Variants in FAM53C observed in about 807,000 individuals in gnomAD.
FAM53C encodes the protein family with sequence similarity 53 member C.
In FAM53C, 10 loss-of-function variants were observed where a neutral mutation model predicts 34.7. The ratio of observed to expected loss-of-function variants is 0.29; its 90% CI spans 0.18 to 0.49. The LOEUF (loss-of-function observed/expected upper bound fraction) is 0.49. Among genes scored for constraint, FAM53C ranks in the 20% least tolerant of loss-of-function variants. FAM53C has a pLI of 0.99. For synonymous variants in FAM53C, 203 were observed against 203.6 expected (o/e 1.00, Z 0.03); for missense variants, 442 against 515.3 (o/e 0.86, Z 1.38).
chr5:138,338,270 C>G lies in FAM53C; in HGVS notation c.-190C>G, dbSNP rs757076126. 13 of 963,430 alleles carry G rather than the reference C, an allele frequency of 1.3e-5. No individual in the cohort carries two copies. Among genetic ancestry groups the G allele is most frequent in the African/African-American group, 8.4e-5 (5 of 59,412 alleles). 59.7% of individuals were successfully genotyped at this position (963,430 alleles called of 1,614,324 possible). A position where few individuals can be genotyped will look rare whatever the true frequency, so the allele number is the denominator to read the frequency against. ...CGTGGGGCGAACCGAGCGCTCAGAG[C>G]TGCTCCGGCCGCGGCCCTGGGAGCT... On this transcript the variant is annotated 5_prime_UTR_variant, in exon 1 of 5. Coordinates refer to ENST00000239906, the MANE Select transcript of FAM53C (RefSeq NM_016605.3).
Position 138,344,928 on chromosome 5 carries a change from A to G in FAM53C, c.240A>G (p.Pro80=). 1 of 1,614,042 alleles carries G rather than the reference A, an allele frequency of 6.2e-7. No homozygotes were observed. The highest frequency in any genetic ancestry group is 8.5e-7 in the Non-Finnish European group (1 of 1,179,976). ...CAGGCCTGAGCCTGCACCTCAGACC[A>G]CCCAGTCGGGGAAACTCCCCCAAGG... ...HPSGLSLHLR[P]PSRGNSPKEQ... The change falls in exon 4 of 5, where the codon CCA becomes CCG. Residue 80 remains proline, a synonymous_variant. Coordinates refer to ENST00000239906, the MANE Select transcript of FAM53C (RefSeq NM_016605.3).
chr5:138,346,466 A>C (rs1761177737), intron 4 of FAM53C, among the ~76,000 whole-genome samples: 1 of 152,186 alleles, frequency 6.6e-6, no homozygotes, highest in Admixed American at 6.5e-5. Flanking sequence ...TCTACTAAAA[A>C]TATAAAAAAT....
chr5:138,345,051 C>T lies in FAM53C; in HGVS notation c.363C>T (p.Leu121=). The T allele has an allele frequency of 1.2e-6, 2 of 1,613,972 alleles. No individual in the cohort carries two copies. Among genetic ancestry groups the T allele is most frequent in the Admixed American group, 1.7e-5 (1 of 60,022 alleles). The change falls in exon 4 of 5, where the codon CTC becomes CTT. Residue 121 remains leucine (L), a synonymous_variant. Coordinates refer to ENST00000239906, the MANE Select transcript of FAM53C (RefSeq NM_016605.3). This position sits in a 1 kb window ranked among gnomAD's most constrained non-coding sequence, Gnocchi z 6.3. Reference sequence around the variant, plus strand: ...CATCCAAGAGGCACTGCCGCTCACTCTCAGTGCCCGTGGACCTGTCTCGCT... The same window carrying T: ...CATCCAAGAGGCACTGCCGCTCACTTTCAGTGCCCGTGGACCTGTCTCGCT... ...APPSKRHCRS[L]SVPVDLSRWQ...
In FAM53C at chr5:138,338,281, G is replaced by A. The variant is rs1156507114; in HGVS notation, c.-179G>A. 1.2e-6 allele frequency: 1 copy of A among 868,360 alleles called. No homozygotes were observed. Among genetic ancestry groups the A allele is most frequent in the Non-Finnish European group, 1.7e-6 (1 of 605,244 alleles). The allele number at this position is 868,360 out of a possible 1,614,324, so 53.8% of individuals were successfully genotyped here. A position where few individuals can be genotyped will look rare whatever the true frequency, so the allele number is the denominator to read the frequency against. On this transcript the variant is annotated 5_prime_UTR_variant, in exon 1 of 5. Transcript: ENST00000239906. ...CCGAGCGCTCAGAGCTGCTCCGGCC[G>A]CGGCCCTGGGAGCTGGAGGAACCGC...
At position 138,345,146 on chromosome 5, in the gene FAM53C, G is replaced by C; in HGVS notation, c.458G>C (p.Gly153Ala). 2 of 1,614,156 alleles carry C rather than the reference G, an allele frequency of 1.2e-6. No individual in the cohort carries two copies. The highest frequency in any genetic ancestry group is 1.7e-6 in the Non-Finnish European group (2 of 1,180,032). The change falls in exon 4 of 5, where the codon GGG (glycine) becomes GCG (alanine). Residue 153 changes from glycine (G) to alanine (A), a missense_variant. Physicochemically the swap from Gly to Ala is moderately conservative, Grantham distance 60. Transcript: ENST00000239906. This position sits in a 1 kb window ranked among gnomAD's most constrained non-coding sequence, Gnocchi z 6.3. ...ATAAAGCACCGGGGCAGTGGTGGAG[G>C]GGGTGGGCCGCAGGTGCCTCACCAG... ...TPIKHRGSGG[G>A]GGPQVPHQSP... is the part of the protein sequence containing the mutation.
In FAM53C at chr5:138,345,436, A is replaced by G; in HGVS notation, c.748A>G (p.Ser250Gly). The G allele has an allele frequency of 6.2e-7, 1 of 1,613,702 alleles. No homozygotes were observed. Among genetic ancestry groups the G allele is most frequent in the Non-Finnish European group, 8.5e-7 (1 of 1,179,978 alleles). ...AAGCCGCTTCTTGCCCTCTGCCCGGAGCTCTCCCGCATCCTCCCCAGAGCT... is the reference window on the plus strand; with the variant it reads ...AAGCCGCTTCTTGCCCTCTGCCCGGGGCTCTCCCGCATCCTCCCCAGAGCT... ...QASRFLPSAR[S>G]SPASSPELPW... is the part of the protein sequence containing the mutation. The change falls in exon 4 of 5, where the codon AGC becomes GGC. Residue 250 changes from serine to glycine, a missense_variant. Ser to Gly is a moderately conservative substitution (Grantham distance 56, BLOSUM62 0). Coordinates refer to ENST00000239906, the MANE Select transcript of FAM53C (RefSeq NM_016605.3). The surrounding 1 kb of genome is among the most constrained non-coding windows in gnomAD (Gnocchi z 6.3).
At chr5:138,340,065 C>T (rs192903287) in intron 1 of FAM53C, among the ~76,000 whole-genome samples, 2 of 152,256 alleles carry the variant, frequency 1.3e-5, no homozygotes, top group African/African-American at 4.8e-5. Context: ...ATTCTGAGGC[C>T]TTGAAGATTC....
In FAM53C at chr5:138,348,218, G is replaced by C. The variant is rs1761233647; in HGVS notation, c.*1259G>C. The C allele has an allele frequency of 6.5e-6, 1 of 152,686 alleles. No individual in the cohort carries two copies. The highest frequency in any genetic ancestry group is 1.5e-5 in the Non-Finnish European group (1 of 68,070). The allele number at this position is 152,686 out of a possible 1,614,324, so 9.5% of individuals were successfully genotyped here. ...GAGGTTGGGGCTCACTGAGGGATTG[G>C]CTGAGGATGTATAAAGCAAAGGCTG... On this transcript the variant is annotated 3_prime_UTR_variant, in exon 5 of 5. Coordinates refer to ENST00000239906, the MANE Select transcript of FAM53C (RefSeq NM_016605.3).
At position 138,339,634 on chromosome 5, in the gene FAM53C, T is replaced by C. The variant is rs370329340; in HGVS notation, c.-153+1327T>C. 2.0e-5 allele frequency among the ~76,000 whole-genome samples: 3 copies of C among 152,312 alleles called. No homozygotes were observed. The East Asian group carries it at 5.8e-4, about 29-fold the overall frequency. ...CTTAGGTTCCCTCTCTGGTTGATCTTTGAGGGCAGCAGAGTTAAGAAACCA... is the reference window on the plus strand; with the variant it reads ...CTTAGGTTCCCTCTCTGGTTGATCTCTGAGGGCAGCAGAGTTAAGAAACCA... On this transcript the variant is annotated intron_variant, in intron 1 of 4. Transcript: ENST00000239906.
chr5:138,343,510 C>CAA (rs548727260), intron 3 of FAM53C, among the ~76,000 whole-genome samples: 4 of 77,164 alleles, frequency 5.2e-5, no homozygotes, highest in South Asian at 3.9e-4. Flanking sequence ...GATTCCATCT[C>CAA]AAAAAAAAAA....
chr5:138,344,881 C>T lies in FAM53C; in HGVS notation c.193C>T (p.Leu65Phe), dbSNP rs577236101. ...HCSCAEFQDS[L>F]NFSYHPSGLS... ...TTCCTGTGCTGAGTTCCAGGACAGC[C>T]TCAACTTCAGCTACCATCCCTCAGG... is the stretch of plus-strand genomic sequence containing the variant. Residue 65 changes from leucine to phenylalanine, a missense_variant, in exon 4 of 5, where the codon CTC (leucine) becomes TTC (phenylalanine). Transcript: ENST00000239906. 5 of 1,611,158 alleles carry T rather than the reference C, an allele frequency of 3.1e-6. No individual in the cohort carries two copies. Among genetic ancestry groups the T allele is most frequent in the African/African-American group, 1.3e-5 (1 of 74,948 alleles).
chr5:138,338,034 AG>A (rs1192095927), upstream of FAM53C: 22 of 1,289,306 alleles, frequency 1.7e-5, no homozygotes, highest in Non-Finnish European at 2.1e-5. Context: ...GATATTTTGG[AG>A]GGGGTGACTC....
chr5:138,342,729 A>C (rs1761066783), intron 3 of FAM53C: 1 of 147,742 alleles, frequency 6.8e-6, no homozygotes, highest in African/African-American at 2.5e-5. Flanking sequence ...CTCTGTCTCA[A>C]AAAAAAAAAA....
chr5:138,339,909 T>G (rs1372800300), intron 1 of FAM53C, among the ~76,000 whole-genome samples: 1 of 152,182 alleles, frequency 6.6e-6, no homozygotes, highest in Non-Finnish European at 1.5e-5. Flanking sequence ...ATAATTCCTC[T>G]TTTTTGTAGA....
upstream of FAM53C, chr5:138,338,070 C>G (rs769490027): frequency 3.1e-6 from 4 of 1,289,806 alleles, no homozygotes; most frequent in African/African-American, 1.5e-5. Flanking sequence ...CACCCCCATC[C>G]CTAAATCAAA....
At position 138,341,355 on chromosome 5, in the gene FAM53C, A is replaced by T; in HGVS notation, c.20A>T (p.Glu7Val). MITLIT[E>V]QLQKQTLDEL... ...AGAATCATGATAACCCTGATCACTG[A>T]GCAGCTACAGAAGCAGACTCTGGAT... Residue 7 changes from glutamate (E) to valine (V), a missense_variant, in exon 2 of 5, where the codon GAG becomes GTG. Physicochemically the swap from Glu to Val is moderately radical, Grantham distance 121. Transcript: ENST00000239906. 1.2e-6 allele frequency: 2 copies of T among 1,614,128 alleles called. No homozygotes were observed. The highest frequency in any genetic ancestry group is 1.7e-6 in the Non-Finnish European group (2 of 1,179,964).
chr5:138,345,337 AGT>A lies in FAM53C; in HGVS notation c.651_652del (p.Ser217ArgfsTer3). ...CTCCCCTCAAAGTGGCTCCTGGGAG[AGT>A]GATGCTGAGTCCTTGTCACCTTGCC... is the stretch of plus-strand genomic sequence containing the variant. Reference protein sequence around the residue: ...AASPQSGSWESDAESLSPCPP... With the variant: ...AASPQSGSWEXDAESLSPCPP... On this transcript the variant is annotated frameshift_variant, in exon 4 of 5. Transcript: ENST00000239906. LOFTEE classifies it high-confidence loss of function. This position sits in a 1 kb window ranked among gnomAD's most constrained non-coding sequence, Gnocchi z 6.3. 1 of 1,613,962 alleles carries A rather than the reference AGT, an allele frequency of 6.2e-7. No homozygotes were observed.
intron 3 of FAM53C, among the ~76,000 whole-genome samples, chr5:138,344,374 G>A (rs1303838137): frequency 6.6e-6 from 1 of 152,256 alleles, no homozygotes; most frequent in African/African-American, 2.4e-5. Flanking sequence ...AGGAAAGGCC[G>A]AGAAAGAAGA....
At position 138,346,916 on chromosome 5, in the gene FAM53C, G is replaced by C; in HGVS notation, c.1136G>C (p.Arg379Pro). 6.2e-7 allele frequency: 1 copy of C among 1,614,144 alleles called. No homozygotes were observed. The highest frequency in any genetic ancestry group is 8.5e-7 in the Non-Finnish European group (1 of 1,180,040). The change falls in exon 5 of 5, where the codon CGG becomes CCG. Residue 379 changes from arginine to proline, a missense_variant. By Grantham distance (103) the Arg-to-Pro change is moderately radical. Coordinates refer to ENST00000239906, the MANE Select transcript of FAM53C (RefSeq NM_016605.3). Reference protein sequence around the residue: ...QALSKRTLCQRDFGDLDLNLI... With the variant: ...QALSKRTLCQPDFGDLDLNLI... ...CTGAGCAAGCGGACACTGTGCCAGC[G>C]GGACTTTGGGGACCTGGACTTGAAT...
Sources: gnomAD v4.1 joint callset for allele counts (sites outside exome capture counted in the v4.1 genomes callset) on GRCh38, gnomAD v4.1.1 for gene constraint, Gnocchi (gnomAD v3.1) non-coding constraint, MANE v1.5 for transcripts, NCBI Gene and HGNC (gene_info 2026-07-23, HGNC 2026-07-21) for gene names.